Variants in PELI2 observed in about 807,000 individuals in gnomAD.
PELI2 encodes pellino E3 ubiquitin protein ligase family member 2, also known as E3 ubiquitin-protein ligase pellino homolog 2.
A neutral mutation model predicts 42.3 loss-of-function variants in PELI2; 23 were observed. That is an observed-to-expected ratio of 0.54 (90% CI 0.39 to 0.77). PELI2 has a LOEUF of 0.77. Ranked by LOEUF, PELI2 falls within the 30% of genes least tolerant of loss-of-function variation. The pLI is 0.00. For missense variants in PELI2, 463 were observed against 553.2 expected (o/e 0.84, Z 1.64); for synonymous variants, 245 against 212.2 (o/e 1.15, Z -1.34).
chr14:56,126,199 G>A (rs529150152), intron 1 of PELI2, among the ~76,000 whole-genome samples: 10 of 152,172 alleles, frequency 6.6e-5, no homozygotes, highest in Non-Finnish European at 1.3e-4. Flanking sequence ...CCAGCTGCTC[G>A]GAGCTGCATT....
chr14:56,175,871 T>A (rs540339066), intron 1 of PELI2, among the ~76,000 whole-genome samples: 1 of 152,312 alleles, frequency 6.6e-6, no homozygotes, highest in African/African-American at 2.4e-5. Flanking sequence ...CCCTTAAGGA[T>A]CCTCTTTCCA....
intron 2 of PELI2, among the ~76,000 whole-genome samples, chr14:56,183,485 A>T (rs1194058026): frequency 6.6e-6 from 1 of 152,214 alleles, no homozygotes; most frequent in Non-Finnish European, 1.5e-5. Flanking sequence ...ATAGTTTAAA[A>T]TAATTTTCTG....
intron 2 of PELI2, among the ~76,000 whole-genome samples, chr14:56,217,217 C>CA (rs1886939348): frequency 1.3e-5 from 2 of 152,158 alleles, no homozygotes; most frequent in Non-Finnish European, 1.5e-5. Flanking sequence ...AAACTGAGGC[C>CA]AAGGTAGGGT....
Position 56,296,773 on chromosome 14 carries a change from C to T in PELI2, c.870C>T (p.Thr290=), listed in dbSNP as rs1249867136. The T allele has an allele frequency of 1.9e-6, 3 of 1,614,110 alleles. No homozygotes were observed. Among genetic ancestry groups the T allele is most frequent in the East Asian group, 4.5e-5 (2 of 44,858 alleles). Residue 290 remains threonine, a synonymous_variant, in exon 6 of 6, where the codon ACC becomes ACT. Transcript: ENST00000267460. ...ARPQCPVGLN[T]LAFPSINRKE... Reference sequence around the variant, plus strand: ...CTCAGTGTCCTGTGGGGCTCAACACCCTGGCCTTCCCCAGCATCAACAGGA... The same window carrying T: ...CTCAGTGTCCTGTGGGGCTCAACACTCTGGCCTTCCCCAGCATCAACAGGA...
At chr14:56,224,020 G>A (rs1594655973) in intron 2 of PELI2, among the ~76,000 whole-genome samples, 1 of 152,086 alleles carries the variant, frequency 6.6e-6, no homozygotes, top group East Asian at 1.9e-4. Context: ...AAAATAGTGG[G>A]GCAGTATAAA....
At chr14:56,132,884 G>A (rs1459867643) in intron 1 of PELI2, among the ~76,000 whole-genome samples, 1 of 152,068 alleles carries the variant, frequency 6.6e-6, no homozygotes, top group African/African-American at 2.4e-5. Context: ...TTTCAGATGT[G>A]AACACTAATC....
At chr14:56,189,535 A>T (rs1885885878) in intron 2 of PELI2, among the ~76,000 whole-genome samples, 1 of 152,222 alleles carries the variant, frequency 6.6e-6, no homozygotes, top group South Asian at 2.1e-4. Context: ...GCCTCCAGCT[A>T]GTGACTCAGG....
At chr14:56,266,077 A>G (rs1334553433) in intron 2 of PELI2, among the ~76,000 whole-genome samples, 2 of 152,036 alleles carry the variant, frequency 1.3e-5, no homozygotes. Context: ...TATGCTGAAA[A>G]CAAACTATAC....
At chr14:56,207,867 G>C (rs964918747) in intron 2 of PELI2, among the ~76,000 whole-genome samples, 3 of 152,204 alleles carry the variant, frequency 2.0e-5, no homozygotes, top group Admixed American at 2.0e-4. Context: ...CTGTCCTAGG[G>C]ACATGGCCAT....
intron 1 of PELI2, among the ~76,000 whole-genome samples, chr14:56,152,689 C>T (rs1884409019): frequency 6.6e-6 from 1 of 152,096 alleles, no homozygotes; most frequent in South Asian, 2.1e-4. Context: ...TATATTCTTC[C>T]TTCACTATAG....
chr14:56,151,173 T>C (rs1884337603), intron 1 of PELI2, among the ~76,000 whole-genome samples: 1 of 152,240 alleles, frequency 6.6e-6, no homozygotes, highest in African/African-American at 2.4e-5. Context: ...GCAGCATCTT[T>C]GGTGACTTGG....
chr14:56,138,474 T>A (rs868487050), intron 1 of PELI2, among the ~76,000 whole-genome samples: 1 of 150,710 alleles, frequency 6.6e-6, no homozygotes, highest in Non-Finnish European at 1.5e-5. Context: ...TTTTTTTTTT[T>A]AAAGACTGAA....
In PELI2 at chr14:56,180,087, GTTAT is replaced by G. The variant is rs1352359237; in HGVS notation, c.207+1627_207+1630del. On this transcript the variant is annotated intron_variant, in intron 2 of 5. Coordinates refer to ENST00000267460, the MANE Select transcript of PELI2 (RefSeq NM_021255.3). This position sits in a 1 kb window ranked among gnomAD's most constrained non-coding sequence, Gnocchi z 4.4. ...TTTTATACCTAGATTTTACTTCCAA[GTTAT>G]TTAGATTATTAATCTTTTGATAATT... Among the ~76,000 whole-genome samples, 1 of 152,014 alleles carries G rather than the reference GTTAT, an allele frequency of 6.6e-6. No individual in the cohort carries two copies. Among genetic ancestry groups the G allele is most frequent in the East Asian group, 1.9e-4 (1 of 5,196 alleles).
At chr14:56,208,919 A>G (rs1411648581) in intron 2 of PELI2, among the ~76,000 whole-genome samples, 1 of 152,242 alleles carries the variant, frequency 6.6e-6, no homozygotes, top group Non-Finnish European at 1.5e-5. Context: ...TTTTGTTACC[A>G]GCGTTAAAAT....
chr14:56,129,927 C>A (rs1263186165), intron 1 of PELI2, among the ~76,000 whole-genome samples: 1 of 152,194 alleles, frequency 6.6e-6, no homozygotes, highest in Non-Finnish European at 1.5e-5. Context: ...AGGGGCTGCC[C>A]TGCTTGGCCT....
intron 2 of PELI2, among the ~76,000 whole-genome samples, chr14:56,254,856 A>G (rs1888471602): frequency 6.6e-6 from 1 of 152,260 alleles, no homozygotes; most frequent in South Asian, 2.1e-4. Context: ...TCAAAAGAAG[A>G]CATTTATGCA....
chr14:56,118,635 C>T lies in PELI2; in HGVS notation c.-26C>T. On this transcript the variant is annotated 5_prime_UTR_variant, in exon 1 of 6. Coordinates refer to ENST00000267460, the MANE Select transcript of PELI2 (RefSeq NM_021255.3). The stretch of plus-strand genomic sequence containing the variant: ...GCGGCGGAGGCGGCGGCGTCGGCGG[C>T]GGCGTCGGCGGCCGAGCGGGGCTCC... 3.7e-6 allele frequency: 5 copies of T among 1,352,380 alleles called. No homozygotes were observed. The South Asian group carries it at 5.1e-5, about 14-fold the overall frequency. The allele number at this position is 1,352,380 out of a possible 1,614,324, so 83.8% of individuals were successfully genotyped here.
At chr14:56,235,522 C>G (rs967028280) in intron 2 of PELI2, among the ~76,000 whole-genome samples, 1 of 152,202 alleles carries the variant, frequency 6.6e-6, no homozygotes, top group Admixed American at 6.5e-5. Context: ...TAGAGCCAGG[C>G]CTAGAGCTGC....
chr14:56,300,366 T>C lies in PELI2; in HGVS notation c.*3200T>C, dbSNP rs1431178439. The stretch of plus-strand genomic sequence containing the variant: ...AGTAGAATTTATTTTCCAGTACCAA[T>C]AGGGAAATTATTTTAAGTTATTACA... On this transcript the variant is annotated 3_prime_UTR_variant, in exon 6 of 6. Transcript: ENST00000267460. 6.6e-6 allele frequency: 1 copy of C among 152,512 alleles called. No individual in the cohort carries two copies. The highest frequency in any genetic ancestry group is 2.4e-5 in the African/African-American group (1 of 41,410). The allele number at this position is 152,512 out of a possible 1,614,324, so 9.4% of individuals were successfully genotyped here.
Sources: gnomAD v4.1 joint callset for allele counts (sites outside exome capture counted in the v4.1 genomes callset) on GRCh38, gnomAD v4.1.1 for gene constraint, Gnocchi (gnomAD v3.1) non-coding constraint, MANE v1.5 for transcripts, NCBI Gene and HGNC (gene_info 2026-07-23, HGNC 2026-07-21) for gene names.